The following ADAMTS2 variants were observed in gnomAD, a reference collection of about 807,000 sequenced individuals.
ADAMTS2 encodes the protein A disintegrin and metalloproteinase with thrombospondin motifs 2.
Under a neutral mutation model 123.0 loss-of-function variants are expected in ADAMTS2, and 50 were observed. That is an observed-to-expected ratio of 0.41 (90% confidence interval 0.32 to 0.51). The LOEUF (loss-of-function observed/expected upper bound fraction) is 0.51, where lower values mean the gene tolerates loss of function less well. Among genes scored for constraint, ADAMTS2 ranks in the 20% least tolerant of loss-of-function variants. The pLI, the probability that ADAMTS2 is intolerant of heterozygous loss-of-function variation, is 0.35. For synonymous variants in ADAMTS2, 678 were observed against 695.4 expected (o/e 0.98, Z 0.39); for missense variants, 1,494 against 1,705.2 (o/e 0.88, Z 2.18).
Position 179,155,854 on chromosome 5 carries a change from C to T in ADAMTS2, c.1133-935G>A, listed in dbSNP as rs1290660586. Among the ~76,000 whole-genome samples the T allele has an allele frequency of 6.6e-6, 1 of 152,238 alleles. No homozygotes were observed. Among genetic ancestry groups the T allele is most frequent in the South Asian group, 2.1e-4 (1 of 4,816 alleles). ...CTGCCCTCACTCCTGCCATGCCCCA[C>T]TGAGAGACCCTGAGGCCACGCGTTC... On this transcript the variant is annotated intron_variant, in intron 6 of 21. Transcript: ENST00000251582. This position sits in a 1 kb window ranked among gnomAD's most constrained non-coding sequence, Gnocchi z 5.1.
intron 9 of ADAMTS2, 114 bp downstream of exon 9, chr5:179,153,377 C>CG: frequency 6.7e-7 from 1 of 1,501,798 alleles, no homozygotes; most frequent in Non-Finnish European, 9.0e-7. Context: ...TCTGGAGGGC[C>CG]GCTCTGCCCT....
chr5:179,245,778 A>C (rs28573768), intron 3 of ADAMTS2, among the ~76,000 whole-genome samples: 2 of 119,594 alleles, frequency 1.7e-5, no homozygotes, highest in Middle Eastern at 4.0e-3. Context: ...AAAAAAAAAA[A>C]AAAAAAAAAA....
chr5:179,327,654 G>C (rs2127458097), intron 2 of ADAMTS2, among the ~76,000 whole-genome samples: 1 of 152,310 alleles, frequency 6.6e-6, no homozygotes, highest in East Asian at 1.9e-4. Flanking sequence ...CCACCGTGGG[G>C]AAATGGGCCT....
At chr5:179,171,003 TAC>T (rs1763804956) in intron 5 of ADAMTS2, among the ~76,000 whole-genome samples, 1 of 152,210 alleles carries the variant, frequency 6.6e-6, no homozygotes, top group Admixed American at 6.5e-5. Context: ...GTGAGATAAG[TAC>T]AGAAACTAGA....
At chr5:179,321,734 A>G (rs112600380) in intron 2 of ADAMTS2, among the ~76,000 whole-genome samples, 4 of 150,058 alleles carry the variant, frequency 2.7e-5, no homozygotes, top group African/African-American at 9.8e-5. Flanking sequence ...CTGCATTTCC[A>G]GCTGCCAGAC....
chr5:179,273,135 C>T (rs1581236321), intron 2 of ADAMTS2, 71 bp from the exon 3 acceptor site: 1 of 1,607,330 alleles, frequency 6.2e-7, no homozygotes, highest in East Asian at 2.2e-5. Flanking sequence ...AGCGAGGAGA[C>T]CCCCTCAGGG....
intron 3 of ADAMTS2, among the ~76,000 whole-genome samples, chr5:179,257,479 G>A (rs939800281): frequency 2.6e-5 from 4 of 152,192 alleles, no homozygotes; most frequent in African/African-American, 9.7e-5. Context: ...TCCAGGGGCT[G>A]CTCCGAACCC....
chr5:179,306,262 T>C (rs574282312), intron 2 of ADAMTS2, among the ~76,000 whole-genome samples: 1 of 152,068 alleles, frequency 6.6e-6, no homozygotes, highest in South Asian at 2.1e-4. Context: ...AACAGCAGAG[T>C]GCACAACAGA....
chr5:179,294,529 C>T (rs1305000847), intron 2 of ADAMTS2, among the ~76,000 whole-genome samples: 1 of 152,220 alleles, frequency 6.6e-6, no homozygotes, highest in Non-Finnish European at 1.5e-5. Flanking sequence ...GACCCACCCA[C>T]GTGGCCCAAG....
Position 179,117,019 on chromosome 5 carries a change from G to A in ADAMTS2, c.3179-2695C>T, listed in dbSNP as rs1022712398. Among the ~76,000 whole-genome samples the A allele has an allele frequency of 5.3e-5, 8 of 152,134 alleles. No individual in the cohort carries two copies. Among genetic ancestry groups the A allele is most frequent in the African/African-American group, 1.9e-4 (8 of 41,424 alleles). On this transcript the variant is annotated intron_variant, in intron 21 of 21. Transcript: ENST00000251582. The surrounding 1 kb of genome is among the most constrained non-coding windows in gnomAD (Gnocchi z 4.2). ...ATGTGGCTGTCAGGATTTTGAAACT[G>A]GCAGAAGGCTTTTCTCAGATAAAAA...
At chr5:179,187,311 C>T (rs1310380647) in intron 4 of ADAMTS2, among the ~76,000 whole-genome samples, 2 of 152,188 alleles carry the variant, frequency 1.3e-5, no homozygotes, top group Non-Finnish European at 2.9e-5. Flanking sequence ...GGGTCTGGCC[C>T]TGCTGAGTCT....
chr5:179,207,606 G>A lies in ADAMTS2; in HGVS notation c.798C>T (p.Tyr266=), dbSNP rs139249329. 229 of 1,613,696 alleles carry A rather than the reference G, an allele frequency of 1.4e-4. 2 individuals carry two copies. The highest frequency in any genetic ancestry group is 3.3e-4 in the Middle Eastern group (2 of 6,084). Residue 266 remains tyrosine, a synonymous_variant, in exon 4 of 22, where the codon TAC becomes TAT. Transcript: ENST00000251582. ...RARRHAADDD[Y]NIEVLLGVDD... ...CCACGCCCAGCAGGACCTCGATGTT[G>A]TAGTCATCGTCCGCAGCATGCCTGC...
intron 13 of ADAMTS2, among the ~76,000 whole-genome samples, chr5:179,134,491 T>C (rs1195991522): frequency 6.6e-6 from 1 of 152,216 alleles, no homozygotes; most frequent in African/African-American, 2.4e-5. Context: ...ATTCCTGAGC[T>C]GTCCCCCTTC....
chr5:179,213,356 T>C (rs1764905009), intron 3 of ADAMTS2, among the ~76,000 whole-genome samples: 1 of 152,192 alleles, frequency 6.6e-6, no homozygotes. Flanking sequence ...ATTTGTGAAT[T>C]TGCCTGGGCA....
At chr5:179,122,047 C>A (rs941550743) in intron 20 of ADAMTS2, among the ~76,000 whole-genome samples, 1 of 152,144 alleles carries the variant, frequency 6.6e-6, no homozygotes, top group African/African-American at 2.4e-5. Context: ...GCCCGCGCCC[C>A]GGGTTCCACC....
At chr5:179,213,578 G>A (rs555817376) in intron 3 of ADAMTS2, among the ~76,000 whole-genome samples, 18 of 152,274 alleles carry the variant, frequency 1.2e-4, no homozygotes, top group African/African-American at 3.6e-4. Context: ...AGAGGCAGGT[G>A]CAGCAGGGCC....
intron 5 of ADAMTS2, among the ~76,000 whole-genome samples, chr5:179,172,067 A>G (rs1210335347): frequency 6.6e-6 from 1 of 152,102 alleles, no homozygotes; most frequent in Non-Finnish European, 1.5e-5. Flanking sequence ...CTGTCTTCCA[A>G]TCCCTCACCA....
At position 179,139,122 on chromosome 5, in the gene ADAMTS2, G is replaced by T. The variant is rs185893594; in HGVS notation, c.1775+768C>A. On this transcript the variant is annotated intron_variant, in intron 11 of 21. Coordinates refer to ENST00000251582, the MANE Select transcript of ADAMTS2 (RefSeq NM_014244.5). ...TGCAGGGCCTGCGGCGTAAGAGCCC[G>T]CTGCGCAGGTGGGAGACGGGGGTAA... Among the ~76,000 whole-genome samples the T allele has an allele frequency of 9.6e-4, 146 of 152,310 alleles. 1 individual carries two copies. Among genetic ancestry groups the T allele is most frequent in the African/African-American group, 3.0e-3 (125 of 41,566 alleles).
chr5:179,223,242 G>A lies in ADAMTS2; in HGVS notation c.689-15527C>T, dbSNP rs972927023. ...GACACATGCACACACACACATGCAC[G>A]CAGTCACATACACACATGCACACTC... On this transcript the variant is annotated intron_variant, in intron 3 of 21. Transcript: ENST00000251582. Among the ~76,000 whole-genome samples, 6 of 151,462 alleles carry A rather than the reference G, an allele frequency of 4.0e-5. No individual in the cohort carries two copies. In the East Asian group the frequency reaches 5.9e-4, roughly 15 times the overall value.
Sources: allele counts gnomAD v4.1 joint callset (sites outside exome capture counted in the v4.1 genomes callset), GRCh38; gene constraint gnomAD v4.1.1; non-coding constraint Gnocchi (gnomAD v3.1); transcripts MANE v1.5; gene names NCBI Gene and HGNC (gene_info 2026-07-23, HGNC 2026-07-21).